PSMG2: variants seen among roughly 807,000 people sequenced by gnomAD.
PSMG2 encodes proteasome assembly chaperone 2.
In PSMG2, 21 loss-of-function variants were observed where a neutral mutation model predicts 31.5. That is an observed-to-expected ratio of 0.67 (90% CI 0.47 to 0.96). The LOEUF is 0.96. Among genes scored for constraint, PSMG2 ranks in the 40% least tolerant of loss-of-function variants. The pLI, the probability that PSMG2 is intolerant of heterozygous loss-of-function variation, is 0.00. For synonymous variants in PSMG2, 120 were observed against 110.4 expected, an observed-to-expected ratio of 1.09 and a Z score of -0.54; for missense variants, 318 against 321.2, an observed-to-expected ratio of 0.99 and a Z score of 0.08.
At chr18:12,702,209 C>T (rs1461323217), upstream of PSMG2, among the ~76,000 whole-genome samples, 2 of 152,214 alleles carry the variant, frequency 1.3e-5, no homozygotes, top group Non-Finnish European at 2.9e-5. Context: ...AGAAGTCGCT[C>T]GCTAAGCGCT....
chr18:12,697,315 G>A (rs1203758039), intron 1 of PSMG2: 14 of 1,613,704 alleles, frequency 8.7e-6, no homozygotes, highest in Middle Eastern at 3.3e-4. Flanking sequence ...TACTAAAGTC[G>A]TCTCACCAAA....
Position 12,690,944 on chromosome 18 carries a change from C to A in PSMG2, c.-36-15606C>A, listed in dbSNP as rs183304456. On this transcript the variant is annotated intron_variant, in intron 1 of 6. Transcript: ENST00000585331. ...AAAATATATATATGCCCAGAGCCCC[C>A]CCCCGTTCTGCACACAAGAGCTGGA... Among the ~76,000 whole-genome samples the A allele has an allele frequency of 2.1e-3, 311 of 151,248 alleles. 2 individuals are homozygous for A. The highest frequency in any genetic ancestry group is 4.6e-3 in the South Asian group (22 of 4,782).
Position 12,662,402 on chromosome 18 carries a change from G to A in PSMG2, c.-37+3629G>A, listed in dbSNP as rs148730167. Among the ~76,000 whole-genome samples, 70 of 152,306 alleles carry A rather than the reference G, an allele frequency of 4.6e-4. No homozygotes were observed. In the East Asian group the frequency reaches 0.013, roughly 29 times the overall value. The stretch of plus-strand genomic sequence containing the variant: ...ACAGAAGCAGTAAATGAAACAGTTG[G>A]TACTGGAATTCAGGCCTCCTGACCA... On this transcript the variant is annotated intron_variant, in intron 1 of 6. Transcript: ENST00000585331.
At chr18:12,673,939 A>T (rs893011650) in intron 1 of PSMG2, among the ~76,000 whole-genome samples, 2 of 152,202 alleles carry the variant, frequency 1.3e-5, no homozygotes, top group East Asian at 3.8e-4. Context: ...AAGACACTGT[A>T]ATTTTGGTCA....
rs2039543260 is a variant in PSMG2, at chr18:12,686,465, A to G, written c.-36-20085A>G. The stretch of plus-strand genomic sequence containing the variant: ...CCATTTTCATCCTAGGGAAAAGGGG[A>G]AAAACATCTGTAATGACATATTAAT... On this transcript the variant is annotated intron_variant, in intron 1 of 6. Coordinates refer to the PSMG2 transcript ENST00000585331. 2.5e-6 allele frequency: 4 copies of G among 1,571,908 alleles called. No homozygotes were observed. The South Asian group carries it at 4.5e-5, about 18-fold the overall frequency.
At chr18:12,707,348 A>G (rs903293296) in intron 2 of PSMG2, among the ~76,000 whole-genome samples, 1 of 152,024 alleles carries the variant, frequency 6.6e-6, no homozygotes, top group African/African-American at 2.4e-5. Context: ...TCCTGTTCTT[A>G]CTGGTATGTG....
chr18:12,703,266 C>G, intron 1 of PSMG2, 102 bp downstream of exon 1: 2 of 1,256,250 alleles, frequency 1.6e-6, no homozygotes, highest in Admixed American at 2.7e-5. Context: ...AAATAGGGCA[C>G]TAGTTTCTAT....
At chr18:12,717,731 A>G (rs1279579655) in intron 3 of PSMG2, among the ~76,000 whole-genome samples, 1 of 152,206 alleles carries the variant, frequency 6.6e-6, no homozygotes, top group Non-Finnish European at 1.5e-5. Context: ...CCTTCAGAGT[A>G]AAACTGGCCT....
At chr18:12,678,196 T>C (rs2039213853) in intron 1 of PSMG2, 2 of 1,614,098 alleles carry the variant, frequency 1.2e-6, no homozygotes, top group Non-Finnish European at 1.7e-6. Flanking sequence ...CACACAGAGG[T>C]GGAAAGGGAG....
chr18:12,719,414 G>T (rs1271298584), intron 4 of PSMG2, among the ~76,000 whole-genome samples: 3 of 152,124 alleles, frequency 2.0e-5, no homozygotes, highest in African/African-American at 7.2e-5. Context: ...TTGAGACGGA[G>T]TCTTGCCCTG....
upstream of PSMG2, chr18:12,702,948 A>C: frequency 2.6e-6 from 2 of 774,636 alleles, no homozygotes; most frequent in Non-Finnish European, 3.9e-6. Flanking sequence ...CGCCCTCTGA[A>C]CCGGCAGTTA....
Position 12,706,635 on chromosome 18 carries a change from A to G in PSMG2, c.143A>G (p.Tyr48Cys). ...AATATGTCTAAGATTGGTTACTTCT[A>G]TACCGATTGTCTTGTGCCAATGGTT... is the stretch of plus-strand genomic sequence containing the variant. ...TLNMSKIGYF[Y>C]TDCLVPMVGN... The change falls in exon 2 of 7, where the codon TAT (tyrosine) becomes TGT (cysteine). Residue 48 changes from tyrosine (Y) to cysteine (C), a missense_variant. By Grantham distance (194) the Tyr-to-Cys change is radical. Transcript: ENST00000317615. 3.7e-6 allele frequency: 6 copies of G among 1,614,168 alleles called. No individual in the cohort carries two copies. Among genetic ancestry groups the G allele is most frequent in the Non-Finnish European group, 5.1e-6 (6 of 1,179,998 alleles).
chr18:12,701,759 T>G (rs1357426622), upstream of PSMG2, among the ~76,000 whole-genome samples: 1 of 152,172 alleles, frequency 6.6e-6, no homozygotes, highest in East Asian at 1.9e-4. Flanking sequence ...TAACTTCTCT[T>G]CCATGACTTA....
In PSMG2 at chr18:12,720,049, A is replaced by T. The variant is rs551530949; in HGVS notation, c.408-461A>T. On this transcript the variant is annotated intron_variant, in intron 4 of 6. Transcript: ENST00000317615. Reference sequence around the variant, plus strand: ...GTAGCATTTAGATCATTTATTTTTTATTTTTTATTCTTTTGGGGATGGAGT... The same window carrying T: ...GTAGCATTTAGATCATTTATTTTTTTTTTTTTATTCTTTTGGGGATGGAGT... Among the ~76,000 whole-genome samples the T allele has an allele frequency of 1.9e-3, 276 of 145,756 alleles. 1 individual carries two copies. The highest frequency in any genetic ancestry group is 6.8e-3 in the African/African-American group (267 of 39,220).
intron 5 of PSMG2, 187 bp from the exon 6 acceptor site, chr18:12,724,312 T>C: frequency 1.9e-6 from 1 of 526,432 alleles, no homozygotes; most frequent in South Asian, 3.6e-5. Flanking sequence ...CAGTGGGTGT[T>C]ACAGGGGCCT....
upstream of PSMG2, chr18:12,701,011 G>A (rs1325018110): frequency 6.2e-7 from 1 of 1,613,884 alleles, no homozygotes; most frequent in Non-Finnish European, 8.5e-7. Context: ...CGACGTCTAA[G>A]GGCTTTGATC....
Position 12,712,767 on chromosome 18 carries a change from A to C in PSMG2, c.288+7A>C. The C allele has an allele frequency of 4.4e-6, 7 of 1,598,764 alleles. No homozygotes were observed. The highest frequency in any genetic ancestry group is 6.0e-6 in the Non-Finnish European group (7 of 1,168,752). Reference sequence around the variant, plus strand: ...AAGATCCATTTTTATTAAGGTTAGTATGTTGTAGTTTGCCTTTTTGTTTAT... The same window carrying C: ...AAGATCCATTTTTATTAAGGTTAGTCTGTTGTAGTTTGCCTTTTTGTTTAT... On this transcript the variant is annotated splice_region_variant and intron_variant, in intron 3 of 6. Coordinates refer to ENST00000317615, the MANE Select transcript of PSMG2 (RefSeq NM_020232.5).
At chr18:12,710,091 C>T (rs948319022) in intron 2 of PSMG2, among the ~76,000 whole-genome samples, 3 of 151,894 alleles carry the variant, frequency 2.0e-5, no homozygotes, top group Non-Finnish European at 4.4e-5. Flanking sequence ...TACAGACACC[C>T]GCCATCACGC....
intron 1 of PSMG2, among the ~76,000 whole-genome samples, chr18:12,697,801 A>AT (rs2040008268): frequency 6.6e-6 from 1 of 151,388 alleles, no homozygotes; most frequent in African/African-American, 2.4e-5. Flanking sequence ...TATAATTGAC[A>AT]TACAACTGAA....
Sources: gnomAD v4.1 joint callset for allele counts (sites outside exome capture counted in the v4.1 genomes callset) on GRCh38, gnomAD v4.1.1 for gene constraint, MANE v1.5 for transcripts, NCBI Gene and HGNC (gene_info 2026-07-23, HGNC 2026-07-21) for gene names.